CACNG8: variants seen among roughly 807,000 people sequenced by gnomAD.
CACNG8 encodes the protein voltage-dependent calcium channel gamma-8 subunit.
Under a neutral mutation model 26.9 loss-of-function variants are expected in CACNG8, and 5 were observed. The ratio of observed to expected loss-of-function variants is 0.19; its 90% CI spans 0.10 to 0.39. The LOEUF is 0.39. Among genes scored for constraint, CACNG8 ranks in the 10% least tolerant of loss-of-function variants. CACNG8 has a pLI of 1.00. For synonymous variants in CACNG8, 321 were observed against 296.7 expected, an observed-to-expected ratio of 1.08 and a Z score of -0.84; for missense variants, 473 against 609.4, an observed-to-expected ratio of 0.78 and a Z score of 2.36.
chr19:53,982,274 C>T lies in CACNG8; in HGVS notation c.703C>T (p.His235Tyr). Residue 235 changes from histidine to tyrosine, a missense_variant, in exon 4 of 4, where the codon CAC (histidine) becomes TAC (tyrosine). His to Tyr is a moderately conservative substitution (Grantham distance 83). This residue lies in a region of CACNG8 where 155 missense variants were observed against 253.0 expected (regional missense o/e 0.61). Transcript: ENST00000270458. The surrounding 1 kb of genome is among the most constrained non-coding windows in gnomAD (Gnocchi z 8.4). The stretch of plus-strand genomic sequence containing the variant: ...CTACATCGAGCGCAGCCGCGAGGCG[C>T]ACTGCCAGTCTCGCTCGGACCTGCT... 6.2e-7 allele frequency: 1 copy of T among 1,612,020 alleles called. No homozygotes were observed. The highest frequency in any genetic ancestry group is 8.5e-7 in the Non-Finnish European group (1 of 1,179,420).
rs141247398 is a variant in CACNG8, at chr19:53,964,580, C to T, written c.283+1155C>T. 8.5e-5 allele frequency among the ~76,000 whole-genome samples: 13 copies of T among 152,254 alleles called. No individual in the cohort carries two copies. In the East Asian group the frequency reaches 2.5e-3, roughly 29 times the overall value. On this transcript the variant is annotated intron_variant, in intron 1 of 3. Coordinates refer to ENST00000270458, the MANE Select transcript of CACNG8 (RefSeq NM_031895.6). ...CTTCTCGCTCCTGCCCCTGCTACCT[C>T]CTCGGATCTTCGACTTGGTTCTTTT...
At chr19:53,979,753 G>A in intron 2 of CACNG8, 114 bp from the exon 3 acceptor site, 1 of 1,084,366 alleles carries the variant, frequency 9.2e-7, no homozygotes, top group Non-Finnish European at 1.3e-6. Context: ...CGGAGAGAGA[G>A]AATCACAGAA....
At chr19:53,973,924 T>C (rs1467115775) in intron 1 of CACNG8, among the ~76,000 whole-genome samples, 2 of 152,264 alleles carry the variant, frequency 1.3e-5, no homozygotes, top group Admixed American at 6.5e-5. Context: ...GTGGGAGTTG[T>C]ATATTCATTC....
chr19:53,963,255 C>G lies in CACNG8; in HGVS notation c.113C>G (p.Ala38Gly). The G allele has an allele frequency of 6.2e-7, 1 of 1,610,462 alleles. No homozygotes were observed. Among genetic ancestry groups the G allele is most frequent in the Non-Finnish European group, 8.5e-7 (1 of 1,179,156 alleles). Residue 38 changes from alanine to glycine, a missense_variant, in exon 1 of 4, where the codon GCC becomes GGC. Ala to Gly is a moderately conservative substitution (Grantham distance 60, BLOSUM62 0). Coordinates refer to ENST00000270458, the MANE Select transcript of CACNG8 (RefSeq NM_031895.6). ...GCCGCCTTCGGCCTCATGACCATCG[C>G]CATCAGCACTGACTACTGGCTCTAC...
At chr19:53,980,896 A>G (rs1002247030) in intron 3 of CACNG8, among the ~76,000 whole-genome samples, 3 of 152,148 alleles carry the variant, frequency 2.0e-5, no homozygotes, top group African/African-American at 7.2e-5. Context: ...AGGGCTTTGC[A>G]TATTTGAAGA....
In CACNG8 at chr19:53,984,805, T is replaced by C. The variant is rs1600041187; in HGVS notation, c.*1956T>C. ...GTCTCTACAAAACATTAAAAAAAAT[T>C]AGCCGGGCGTGGTGGAGCACACCTG... On this transcript the variant is annotated 3_prime_UTR_variant, in exon 4 of 4. Coordinates refer to ENST00000270458, the MANE Select transcript of CACNG8 (RefSeq NM_031895.6). 1 of 151,892 alleles carries C rather than the reference T, an allele frequency of 6.6e-6. No homozygotes were observed. The highest frequency in any genetic ancestry group is 2.4e-5 in the African/African-American group (1 of 41,406). The allele number at this position is 151,892 out of a possible 1,614,324, so 9.4% of individuals were successfully genotyped here. A position where few individuals can be genotyped will look rare whatever the true frequency, so the allele number is the denominator to read the frequency against.
chr19:53,980,085 T>TGC (rs1555815539), intron 3 of CACNG8, 78 bp downstream of exon 3: 18,198 of 1,008,542 alleles, frequency 0.018, 185 homozygotes, highest in African/African-American at 0.065. Context: ...TGTGTGTGTG[T>TGC]GCGCGCGCGC....
At position 53,986,187 on chromosome 19, in the gene CACNG8, G is replaced by C. The variant is rs1208403093; in HGVS notation, c.*3338G>C. The C allele has an allele frequency of 6.6e-6, 1 of 152,542 alleles. No individual in the cohort carries two copies. The highest frequency in any genetic ancestry group is 1.5e-5 in the Non-Finnish European group (1 of 68,060). The allele number at this position is 152,542 out of a possible 1,614,324, so 9.4% of individuals were successfully genotyped here. Reference sequence around the variant, plus strand: ...GACAGAGATAGAGAGGGAGAGGTAAGCCGGAGACAGACTCAGAGATTCGCA... The same window carrying C: ...GACAGAGATAGAGAGGGAGAGGTAACCCGGAGACAGACTCAGAGATTCGCA... On this transcript the variant is annotated 3_prime_UTR_variant, in exon 4 of 4. Transcript: ENST00000270458.
At chr19:53,981,165 G>T (rs1220909284) in intron 3 of CACNG8, among the ~76,000 whole-genome samples, 1 of 152,176 alleles carries the variant, frequency 6.6e-6, no homozygotes, top group Non-Finnish European at 1.5e-5. Context: ...TATGAAGAGA[G>T]ATTAGATAAG....
At chr19:53,978,114 C>T in intron 1 of CACNG8, 32 bp from the exon 2 acceptor site, 3 of 1,524,392 alleles carry the variant, frequency 2.0e-6, no homozygotes, top group Non-Finnish European at 9.0e-7. Context: ...CTGAAGTATC[C>T]GCCCCCACCA....
At position 53,978,037 on chromosome 19, in the gene CACNG8, C is replaced by T. The variant is rs990264583; in HGVS notation, c.284-109C>T. 2.9e-5 allele frequency: 21 copies of T among 720,610 alleles called. No homozygotes were observed. In the Admixed American group the frequency reaches 3.1e-4, roughly 11 times the overall value. 44.6% of individuals were successfully genotyped at this position (720,610 alleles called of 1,614,324 possible). On this transcript the variant is annotated intron_variant, in intron 1 of 3. Coordinates refer to ENST00000270458, the MANE Select transcript of CACNG8 (RefSeq NM_031895.6). Reference sequence around the variant, plus strand: ...CCAGGACTTGCGGTCTCCCAAGCAGCCCAGAGAGAGAAGGGGTTTGGGGAA... The same window carrying T: ...CCAGGACTTGCGGTCTCCCAAGCAGTCCAGAGAGAGAAGGGGTTTGGGGAA...
Position 53,989,459 on chromosome 19 carries a change from C to T in CACNG8, c.*6610C>T, listed in dbSNP as rs887076668. The T allele has an allele frequency of 6.6e-6, 1 of 152,412 alleles. No homozygotes were observed. Among genetic ancestry groups the T allele is most frequent in the Non-Finnish European group, 1.5e-5 (1 of 68,014 alleles). The allele number at this position is 152,412 out of a possible 1,614,324, so 9.4% of individuals were successfully genotyped here. A position where few individuals can be genotyped will look rare whatever the true frequency, so the allele number is the denominator to read the frequency against. On this transcript the variant is annotated 3_prime_UTR_variant, in exon 4 of 4. Coordinates refer to ENST00000270458, the MANE Select transcript of CACNG8 (RefSeq NM_031895.6). The stretch of plus-strand genomic sequence containing the variant: ...ACCCAGAGATTCGCATAGAAAGCAA[C>T]GTGGAGACTCAGAAGCAAGCACAGC...
intron 1 of CACNG8, among the ~76,000 whole-genome samples, chr19:53,973,830 A>C (rs1354563725): frequency 6.6e-6 from 1 of 152,152 alleles, no homozygotes; most frequent in Non-Finnish European, 1.5e-5. Context: ...CATCCCAAAA[A>C]AAAAGAAAGA....
chr19:53,978,092 C>G lies in CACNG8; in HGVS notation c.284-54C>G. 4.0e-6 allele frequency: 5 copies of G among 1,260,322 alleles called. No individual in the cohort carries two copies. In the Admixed American group the frequency reaches 7.5e-5, roughly 19 times the overall value. 78.1% of individuals were successfully genotyped at this position (1,260,322 alleles called of 1,614,324 possible). ...AGGGTCGGTTGTCAGTGGGGTTGCC[C>G]CGCCCCCAACCCTGAAGTATCCGCC... On this transcript the variant is annotated intron_variant, in intron 1 of 3. Transcript: ENST00000270458.
At position 53,989,488 on chromosome 19, in the gene CACNG8, AAG is replaced by A. The variant is rs2069427611; in HGVS notation, c.*6640_*6641del. On this transcript the variant is annotated 3_prime_UTR_variant, in exon 4 of 4. Coordinates refer to ENST00000270458, the MANE Select transcript of CACNG8 (RefSeq NM_031895.6). The stretch of plus-strand genomic sequence containing the variant: ...GAGACTCAGAAGCAAGCACAGCATC[AAG>A]GAATGATCAATAAAAAGAAAAAAAA... 1 of 152,630 alleles carries A rather than the reference AAG, an allele frequency of 6.6e-6. No homozygotes were observed. Among genetic ancestry groups the A allele is most frequent in the Non-Finnish European group, 1.5e-5 (1 of 68,070 alleles). 9.5% of individuals were successfully genotyped at this position (152,630 alleles called of 1,614,324 possible). A position where few individuals can be genotyped will look rare whatever the true frequency, so the allele number is the denominator to read the frequency against.
At position 53,983,074 on chromosome 19, in the gene CACNG8, T is replaced by C. The variant is rs2069385042; in HGVS notation, c.*225T>C. ...GCCGCTGTGAGGGAGCGTCGTGTTT[T>C]ATTTTTTTGGGGGATCTATGGGGAG... On this transcript the variant is annotated 3_prime_UTR_variant, in exon 4 of 4. Coordinates refer to ENST00000270458, the MANE Select transcript of CACNG8 (RefSeq NM_031895.6). 5.5e-6 allele frequency: 1 copy of C among 181,198 alleles called. No individual in the cohort carries two copies. The highest frequency in any genetic ancestry group is 1.1e-5 in the Non-Finnish European group (1 of 90,924). 11.2% of individuals were successfully genotyped at this position (181,198 alleles called of 1,614,324 possible).
At chr19:53,973,258 A>G (rs1600029682) in intron 1 of CACNG8, among the ~76,000 whole-genome samples, 1 of 152,312 alleles carries the variant, frequency 6.6e-6, no homozygotes, top group East Asian at 1.9e-4. Context: ...GCGGTGGCTC[A>G]TGCCTGTAAT....
chr19:53,977,186 T>A (rs1045670230), intron 1 of CACNG8, among the ~76,000 whole-genome samples: 2 of 152,056 alleles, frequency 1.3e-5, no homozygotes, highest in Non-Finnish European at 1.5e-5. Context: ...AGTGTGCATG[T>A]GTGTCTGTGT....
At position 53,989,516 on chromosome 19, in the gene CACNG8, A is replaced by T. The variant is rs2069427815; in HGVS notation, c.*6667A>T. 1 of 152,372 alleles carries T rather than the reference A, an allele frequency of 6.6e-6. No homozygotes were observed. The highest frequency in any genetic ancestry group is 2.1e-4 in the South Asian group (1 of 4,826). The allele number at this position is 152,372 out of a possible 1,614,324, so 9.4% of individuals were successfully genotyped here. A position where few individuals can be genotyped will look rare whatever the true frequency, so the allele number is the denominator to read the frequency against. ...GAATGATCAATAAAAAGAAAAAAAA[A>T]TATTTCCTGAGGACTTCCAAGTACA... On this transcript the variant is annotated 3_prime_UTR_variant, in exon 4 of 4. Transcript: ENST00000270458.
Sources: gnomAD v4.1 joint callset for allele counts (sites outside exome capture counted in the v4.1 genomes callset) on GRCh38, gnomAD v4.1.1 for gene constraint, gnomAD v4.1.1 regional missense constraint, Gnocchi (gnomAD v3.1) non-coding constraint, MANE v1.5 for transcripts, NCBI Gene and HGNC (gene_info 2026-07-23, HGNC 2026-07-21) for gene names.